ALOX12: variants seen among roughly 807,000 people sequenced by gnomAD.
The protein encoded by ALOX12 is arachidonate 12-lipoxygenase, 12S type, also known as polyunsaturated fatty acid lipoxygenase ALOX12.
Under a neutral mutation model 85.5 loss-of-function variants are expected in ALOX12, and 62 were observed. That is an observed-to-expected ratio of 0.73 (90% CI 0.59 to 0.90). The LOEUF is 0.90. ALOX12 is among the 40% of genes least tolerant of loss of function. ALOX12 has a pLI of 0.00. For missense variants in ALOX12, 751 were observed against 856.5 expected (o/e 0.88, Z 1.54); for synonymous variants, 299 against 332.7 (o/e 0.90, Z 1.10).
Position 7,006,598 on chromosome 17 carries a change from C to T in ALOX12, c.1531C>T (p.Gln511Ter). Residue 511 changes from glutamine to a stop codon, truncating the protein, a stop_gained, in exon 11 of 14, where the codon CAG becomes TAG. Coordinates refer to ENST00000251535, the MANE Select transcript of ALOX12 (RefSeq NM_000697.3). LOFTEE classifies it high-confidence loss of function. ...EITEVGLCQAQDRGFPVSFQS... is the reference protein window; with the variant it reads ...EITEVGLCQA ...CACGGAGGTGGGGCTGTGCCAGGCC[C>T]AGGACCGAGGTAAGATCCATTCTAG... 1 of 1,604,916 alleles carries T rather than the reference C, an allele frequency of 6.2e-7. No homozygotes were observed. Among genetic ancestry groups the T allele is most frequent in the Non-Finnish European group, 8.5e-7 (1 of 1,175,200 alleles).
chr17:7,000,331 C>T lies in ALOX12; in HGVS notation c.808-5C>T, dbSNP rs1341659822. On this transcript the variant is annotated splice_region_variant and splice_polypyrimidine_tract_variant and intron_variant, in intron 6 of 13. Transcript: ENST00000251535. The surrounding 1 kb of genome is among the most constrained non-coding windows in gnomAD (Gnocchi z 4.6). ...TAAAAATGGATACATCCCTCCTGTC[C>T]CCAGAATGGTTCCCTGTTTGAAGCT... 3 of 1,614,018 alleles carry T rather than the reference C, an allele frequency of 1.9e-6. No individual in the cohort carries two copies. The highest frequency in any genetic ancestry group is 2.5e-6 in the Non-Finnish European group (3 of 1,179,978).
Position 6,996,810 on chromosome 17 carries a change from G to C in ALOX12, c.136-16G>C, listed in dbSNP as rs1311628314. ...GGTCCCTCCTACTAAGTCTGGCCTG[G>C]GTCCGGCCTGCACAGGAGGAGGAGT... On this transcript the variant is annotated splice_polypyrimidine_tract_variant and intron_variant, in intron 1 of 13. Coordinates refer to ENST00000251535, the MANE Select transcript of ALOX12 (RefSeq NM_000697.3). The C allele has an allele frequency of 6.2e-7, 1 of 1,605,166 alleles. No homozygotes were observed. Among genetic ancestry groups the C allele is most frequent in the Admixed American group, 1.7e-5 (1 of 59,696 alleles).
chr17:6,998,626 C>A, intron 3 of ALOX12, 36 bp downstream of exon 3: 1 of 1,606,796 alleles, frequency 6.2e-7, no homozygotes, highest in Non-Finnish European at 8.5e-7. Flanking sequence ...CCCGCCACCA[C>A]TGTCCCACCC....
At position 7,001,527 on chromosome 17, in the gene ALOX12, A is replaced by G. The variant is rs966420826; in HGVS notation, c.952-75A>G. 8 of 1,397,918 alleles carry G rather than the reference A, an allele frequency of 5.7e-6. No individual in the cohort carries two copies. In the African/African-American group the frequency reaches 1.1e-4, roughly 20 times the overall value. 86.6% of individuals were successfully genotyped at this position (1,397,918 alleles called of 1,614,324 possible). On this transcript the variant is annotated intron_variant, in intron 7 of 13. Transcript: ENST00000251535. Reference sequence around the variant, plus strand: ...TAGAAGGCAATAATCTTACTTAGTCATCTCTGTTTCCCCAAGAATGCTGAC... The same window carrying G: ...TAGAAGGCAATAATCTTACTTAGTCGTCTCTGTTTCCCCAAGAATGCTGAC...
intron 10 of ALOX12, among the ~76,000 whole-genome samples, 198 bp from the exon 11 acceptor site, chr17:7,006,288 G>T (rs1047142350): frequency 3.3e-5 from 5 of 152,046 alleles, no homozygotes; most frequent in Non-Finnish European, 5.9e-5. Context: ...GACGATGTAT[G>T]ACAGCAACCA....
At chr17:7,006,055 G>GGT (rs1909035748) in intron 10 of ALOX12, 28 bp downstream of exon 10, 2 of 203,512 alleles carry the variant, frequency 9.8e-6, no homozygotes, top group East Asian at 1.2e-4. Context: ...GAGAAATGGT[G>GGT]GGGCCGGGGG....
At chr17:7,008,766 C>T (rs1207209980) in intron 11 of ALOX12, among the ~76,000 whole-genome samples, 2 of 151,628 alleles carry the variant, frequency 1.3e-5, no homozygotes, top group Admixed American at 1.3e-4. Context: ...AAAAGATTAT[C>T]GGGTCTCTGA....
chr17:7,009,710 T>C (rs887054435), intron 11 of ALOX12, 37 bp from the exon 12 acceptor site: 1 of 1,547,636 alleles, frequency 6.5e-7, no homozygotes, highest in South Asian at 1.1e-5. Context: ...TCTCCTCTTA[T>C]GCTGTAGCTT....
intron 11 of ALOX12, among the ~76,000 whole-genome samples, chr17:7,007,964 C>A (rs1293125031): frequency 6.6e-6 from 1 of 152,190 alleles, no homozygotes; most frequent in East Asian, 1.9e-4. Flanking sequence ...GTTCTGGAGG[C>A]TGAAAGTTCA....
In ALOX12 at chr17:6,998,837, G is replaced by C; in HGVS notation, c.542G>C (p.Gly181Ala). The C allele has an allele frequency of 6.2e-7, 1 of 1,614,110 alleles. No homozygotes were observed. Among genetic ancestry groups the C allele is most frequent in the Non-Finnish European group, 8.5e-7 (1 of 1,180,012 alleles). Residue 181 changes from glycine (G) to alanine (A), a missense_variant and splice_region_variant, in exon 4 of 14, where the codon GGG becomes GCG. Transcript: ENST00000251535. Reference sequence around the variant, plus strand: ...GACTTTGAATGGACACTGAAGGCAGGGTGAGAAAAAGGCTAGACCTCGGAG... The same window carrying C: ...GACTTTGAATGGACACTGAAGGCAGCGTGAGAAAAAGGCTAGACCTCGGAG... Reference protein sequence around the residue: ...RLDFEWTLKAGALEMALKRVY... With the variant: ...RLDFEWTLKAAALEMALKRVY...
rs770616110 is a variant in ALOX12 at position 6,998,599 on chromosome 17, C to T, written c.419+9C>T. The T allele has an allele frequency of 6.2e-7, 1 of 1,612,390 alleles. No individual in the cohort carries two copies. Among genetic ancestry groups the T allele is most frequent in the African/African-American group, 1.3e-5 (1 of 74,846 alleles). Reference sequence around the variant, plus strand: ...AGACAGCAGATCTACTGGTGACCACCCACCCCTTAAACTAACCCCGCCACC... The same window carrying T: ...AGACAGCAGATCTACTGGTGACCACTCACCCCTTAAACTAACCCCGCCACC... On this transcript the variant is annotated intron_variant, in intron 3 of 13. Coordinates refer to ENST00000251535, the MANE Select transcript of ALOX12 (RefSeq NM_000697.3).
At chr17:7,005,814 C>T (rs954727193) in intron 9 of ALOX12, 44 bp from the exon 10 acceptor site, 2 of 1,588,550 alleles carry the variant, frequency 1.3e-6, no homozygotes, top group Non-Finnish European at 1.7e-6. Context: ...TGTTGGTTCT[C>T]CAGCCCTGTT....
rs113229512 is a variant in ALOX12, at chr17:6,999,153, C to T, written c.646+97C>T. ...CCCGTAACTCTTTGCAAGAAGAGACCTTATCATATCTGGTCAACTCAGAGA... is the reference window on the plus strand; with the variant it reads ...CCCGTAACTCTTTGCAAGAAGAGACTTTATCATATCTGGTCAACTCAGAGA... On this transcript the variant is annotated intron_variant, in intron 5 of 13. Coordinates refer to ENST00000251535, the MANE Select transcript of ALOX12 (RefSeq NM_000697.3). The T allele has an allele frequency of 2.6e-5, 39 of 1,479,424 alleles. No individual in the cohort carries two copies. The African/African-American group carries it at 3.6e-4, about 14-fold the overall frequency. 91.6% of individuals were successfully genotyped at this position (1,479,424 alleles called of 1,614,324 possible).
At chr17:6,997,715 A>G (rs895889082) in intron 2 of ALOX12, among the ~76,000 whole-genome samples, 2 of 150,756 alleles carry the variant, frequency 1.3e-5, no homozygotes, top group African/African-American at 2.4e-5. Flanking sequence ...CCCCCACCAC[A>G]CCCGGCTAAT....
chr17:7,006,893 C>T (rs1301075901), intron 11 of ALOX12, among the ~76,000 whole-genome samples: 1 of 152,120 alleles, frequency 6.6e-6, no homozygotes. Flanking sequence ...CAGGCCATAT[C>T]CACAGCTGGG....
At position 6,996,224 on chromosome 17, in the gene ALOX12, A is replaced by G; in HGVS notation, c.107A>G (p.Glu36Gly). 1 of 1,249,392 alleles carries G rather than the reference A, an allele frequency of 8.0e-7. No homozygotes were observed. The allele number at this position is 1,249,392 out of a possible 1,614,324, so 77.4% of individuals were successfully genotyped here. ...GGGACGCGCGGGGAGGCGGAGCTGG[A>G]GCTGCAGCTGCGGCCCGCGCGGGGC... is the stretch of plus-strand genomic sequence containing the variant. ...LVGTRGEAELELQLRPARGEE... is the reference protein window; with the variant it reads ...LVGTRGEAELGLQLRPARGEE... Residue 36 changes from glutamate (E) to glycine (G), a missense_variant, in exon 1 of 14, where the codon GAG (glutamate) becomes GGG (glycine). Physicochemically the swap from Glu to Gly is moderately conservative, Grantham distance 98. Transcript: ENST00000251535.
rs770111556 is a variant in ALOX12 at position 7,005,239 on chromosome 17, C to T, written c.1162-18C>T. 7 of 1,609,704 alleles carry T rather than the reference C, an allele frequency of 4.3e-6. No homozygotes were observed. The highest frequency in any genetic ancestry group is 5.1e-6 in the Non-Finnish European group (6 of 1,176,110). On this transcript the variant is annotated intron_variant, in intron 8 of 13. Coordinates refer to ENST00000251535, the MANE Select transcript of ALOX12 (RefSeq NM_000697.3). The stretch of plus-strand genomic sequence containing the variant: ...CATGGCCTCCACCAGTCACGCCCTC[C>T]AATCTCCTCCTCTCCAGTTCCTGAT...
chr17:7,002,122 T>G (rs1362776882), intron 8 of ALOX12: 1 of 382,646 alleles, frequency 2.6e-6, no homozygotes, highest in African/African-American at 2.1e-5. Context: ...GAAAAACAAG[T>G]GATGCCCATA....
Position 7,009,818 on chromosome 17 carries a change from GC to G in ALOX12, c.1615del (p.Gln539SerfsTer34). 6.2e-7 allele frequency: 1 copy of G among 1,614,160 alleles called. No homozygotes were observed. Among genetic ancestry groups the G allele is most frequent in the Non-Finnish European group, 8.5e-7 (1 of 1,180,036 alleles). Reference sequence around the variant, plus strand: ...CACCATGTGCGTCTTCACGTGCACTGCCCAGCATGCCGCCATCAACCAGGGC... The same window carrying G: ...CACCATGTGCGTCTTCACGTGCACTGCCAGCATGCCGCCATCAACCAGGGC... ...FLTMCVFTCT[A>X]QHAAINQGQL... On this transcript the variant is annotated frameshift_variant, in exon 12 of 14. Coordinates refer to ENST00000251535, the MANE Select transcript of ALOX12 (RefSeq NM_000697.3). LOFTEE classifies it high-confidence loss of function.
Sources: gnomAD v4.1 joint callset for allele counts (sites outside exome capture counted in the v4.1 genomes callset) on GRCh38, gnomAD v4.1.1 for gene constraint, Gnocchi (gnomAD v3.1) non-coding constraint, MANE v1.5 for transcripts, NCBI Gene and HGNC (gene_info 2026-07-23, HGNC 2026-07-21) for gene names.